MAST4: variants seen among roughly 807,000 people sequenced by gnomAD.
MAST4 encodes the protein microtubule-associated serine/threonine-protein kinase 4.
A neutral mutation model predicts 162.7 loss-of-function variants in MAST4; 89 were observed. The ratio of observed to expected loss-of-function variants is 0.55; its 90% CI spans 0.46 to 0.65. The LOEUF (loss-of-function observed/expected upper bound fraction) is 0.65. Among genes scored for constraint, MAST4 ranks in the 30% least tolerant of loss-of-function variants. The pLI, the probability that MAST4 is intolerant of heterozygous loss-of-function variation, is 0.00. For synonymous variants in MAST4, 1,479 were observed against 1,361.1 expected (o/e 1.09, Z -1.91); for missense variants, 3,153 against 3,374.0 (o/e 0.93, Z 1.62).
chr5:66,995,400 A>T (rs1222787834), intron 4 of MAST4, among the ~76,000 whole-genome samples: 2 of 151,898 alleles, frequency 1.3e-5, no homozygotes, highest in East Asian at 1.9e-4. Flanking sequence ...GAAATCAGAA[A>T]TTTTTTTGTC....
chr5:66,789,988 ATTTTTTTTTTTTT>A (rs57743987), intron 3 of MAST4, among the ~76,000 whole-genome samples: 15 of 52,476 alleles, frequency 2.9e-4, no homozygotes, highest in African/African-American at 5.7e-4. Flanking sequence ...GCTTATTAGA[ATTTTTTTTTTTTT>A]TTTTTTTTTT....
Position 67,131,955 on chromosome 5 carries a change from T to G in MAST4, c.2093+4T>G. The G allele has an allele frequency of 6.2e-7, 1 of 1,610,466 alleles. No homozygotes were observed. The highest frequency in any genetic ancestry group is 8.5e-7 in the Non-Finnish European group (1 of 1,178,008). On this transcript the variant is annotated splice_donor_region_variant and intron_variant, in intron 16 of 28. Transcript: ENST00000403625. ...ACAGGGATTTGAAACCAGACAAGTATGTACACAAATGAAATATATGTCTTC... is the reference window on the plus strand; with the variant it reads ...ACAGGGATTTGAAACCAGACAAGTAGGTACACAAATGAAATATATGTCTTC...
intron 2 of MAST4, among the ~76,000 whole-genome samples, chr5:66,783,915 C>T (rs1418215570): frequency 6.6e-6 from 1 of 152,098 alleles, no homozygotes; most frequent in African/African-American, 2.4e-5. Flanking sequence ...CAGAGTCCAA[C>T]TTCTTATTGA....
intron 4 of MAST4, among the ~76,000 whole-genome samples, chr5:67,024,436 A>T (rs1275427208): frequency 6.6e-6 from 1 of 151,564 alleles, no homozygotes; most frequent in Non-Finnish European, 1.5e-5. Context: ...ATATATATGG[A>T]AGGTGCACTG....
At chr5:66,975,143 T>C (rs750531930) in intron 4 of MAST4, among the ~76,000 whole-genome samples, 7 of 151,740 alleles carry the variant, frequency 4.6e-5, no homozygotes, top group Non-Finnish European at 7.4e-5. Context: ...AGCCAGAAGA[T>C]GCAAGGAGCA....
At chr5:67,024,127 G>C (rs1229168173) in intron 4 of MAST4, among the ~76,000 whole-genome samples, 1 of 147,304 alleles carries the variant, frequency 6.8e-6, no homozygotes, top group African/African-American at 2.5e-5. Flanking sequence ...GACTACTCTA[G>C]GTACCTCATT....
chr5:67,024,542 C>T (rs765638029), intron 4 of MAST4, among the ~76,000 whole-genome samples: 16 of 151,724 alleles, frequency 1.1e-4, no homozygotes, highest in Non-Finnish European at 2.1e-4. Context: ...GAAAGGATTG[C>T]GTTATCTTCA....
Position 67,165,778 on chromosome 5 carries a change from C to G in MAST4, c.6599C>G (p.Pro2200Arg), listed in dbSNP as rs986498579. The G allele has an allele frequency of 6.2e-7, 1 of 1,604,152 alleles. No homozygotes were observed. The highest frequency in any genetic ancestry group is 8.5e-7 in the Non-Finnish European group (1 of 1,175,744). The change falls in exon 29 of 29, where the codon CCG becomes CGG. Residue 2200 changes from proline (P) to arginine (R), a missense_variant. Pro to Arg is a moderately radical substitution (Grantham distance 103). Coordinates refer to ENST00000403625, the MANE Select transcript of MAST4 (RefSeq NM_001164664.2). ...CACAAGCCCCGGCCTGGCCCTGACC[C>G]GGGCCCTCCAAAGACTAAGCACCCC... ...SSHKPRPGPD[P>R]GPPKTKHPDR...
chr5:66,816,495 A>T (rs1293027229), intron 3 of MAST4, among the ~76,000 whole-genome samples: 1 of 152,190 alleles, frequency 6.6e-6, no homozygotes, highest in East Asian at 1.9e-4. Context: ...GTTTTATGTA[A>T]GAGTGTAGTA....
At chr5:67,004,185 G>C (rs1203820742) in intron 4 of MAST4, among the ~76,000 whole-genome samples, 1 of 112,480 alleles carries the variant, frequency 8.9e-6, no homozygotes, top group Non-Finnish European at 2.2e-5. Flanking sequence ...GGGCTGTCCC[G>C]GCACCGGCTG....
rs1188815508 is a variant in MAST4 at position 66,788,737 on chromosome 5, C to T, written c.585C>T (p.Leu195=). 1.9e-6 allele frequency: 3 copies of T among 1,612,942 alleles called. No individual in the cohort carries two copies. Among genetic ancestry groups the T allele is most frequent in the South Asian group, 2.2e-5 (2 of 91,012 alleles). ...CGGCCTCTGCAGAGACGTCCAACCTCGTGCGCATGCGCAGCCAGGCCCTGG... is the reference window on the plus strand; with the variant it reads ...CGGCCTCTGCAGAGACGTCCAACCTTGTGCGCATGCGCAGCCAGGCCCTGG... ...AWPASAETSN[L]VRMRSQALGQ... is the part of the protein sequence containing the mutation. The change falls in exon 3 of 29, where the codon CTC becomes CTT. Residue 195 remains leucine, a synonymous_variant. Transcript: ENST00000403625.
chr5:66,948,880 A>G (rs1470260360), intron 4 of MAST4, among the ~76,000 whole-genome samples: 2 of 152,178 alleles, frequency 1.3e-5, no homozygotes, highest in Admixed American at 6.6e-5. Flanking sequence ...AGCACTTAAT[A>G]TAAAACAGTG....
chr5:66,976,245 C>G (rs1748134341), intron 4 of MAST4, among the ~76,000 whole-genome samples: 1 of 152,204 alleles, frequency 6.6e-6, no homozygotes, highest in African/African-American at 2.4e-5. Flanking sequence ...GAGGCATTAC[C>G]CCTTTCTGGA....
At chr5:66,650,792 A>G (rs2149447498) in intron 1 of MAST4, among the ~76,000 whole-genome samples, 1 of 152,346 alleles carries the variant, frequency 6.6e-6, no homozygotes, top group African/African-American at 2.4e-5. Context: ...CTCCACTTTA[A>G]TACATCAGTA....
chr5:67,031,732 T>TA (rs1256100646), intron 4 of MAST4, among the ~76,000 whole-genome samples: 2 of 152,286 alleles, frequency 1.3e-5, no homozygotes, highest in South Asian at 2.1e-4. Flanking sequence ...TCTAAATTGT[T>TA]AGAGTTTCTA....
At chr5:67,078,911 A>AATATATATATATAT (rs750951069) in intron 5 of MAST4, among the ~76,000 whole-genome samples, 2 of 38,108 alleles carry the variant, frequency 5.2e-5, no homozygotes, top group African/African-American at 2.5e-4. Context: ...TTTTTATATA[A>AATATATATATATAT]ATATATATAT....
intron 1 of MAST4, among the ~76,000 whole-genome samples, chr5:66,671,571 T>G (rs1459807044): frequency 6.8e-6 from 1 of 146,852 alleles, no homozygotes; most frequent in African/African-American, 2.5e-5. Context: ...GTTAATGGCT[T>G]TTTGGTAGCC....
Position 66,627,805 on chromosome 5 carries a change from C to T in MAST4, c.363+30787C>T, listed in dbSNP as rs57807624. The stretch of plus-strand genomic sequence containing the variant: ...GTTTATTCCCAGTTAAGTCATGTGA[C>T]TGTGGGATCTTGCATATTGTCACTC... On this transcript the variant is annotated intron_variant, in intron 1 of 28. Coordinates refer to ENST00000403625, the MANE Select transcript of MAST4 (RefSeq NM_001164664.2). Among the ~76,000 whole-genome samples the T allele has an allele frequency of 7.7e-3, 1,177 of 152,030 alleles. 14 individuals are homozygous for T. Among genetic ancestry groups the T allele is most frequent in the African/African-American group, 0.027 (1,108 of 41,468 alleles).
chr5:67,165,177 C>CT lies in MAST4; in HGVS notation c.5999dup (p.Cys2001ValfsTer10), dbSNP rs766311641. Reference sequence around the variant, plus strand: ...CACATGCAGAGAGCCCTCCATGGAACTGTGCTTTCCAGAAACTGCGAAAAC... The same window carrying CT: ...CACATGCAGAGAGCCCTCCATGGAACTTGTGCTTTCCAGAAACTGCGAAAAC... On this transcript the variant is annotated frameshift_variant, in exon 29 of 29. Transcript: ENST00000403625. LOFTEE classifies it low-confidence loss of function (END_TRUNC). 6.2e-7 allele frequency: 1 copy of CT among 1,605,070 alleles called. No homozygotes were observed. The highest frequency in any genetic ancestry group is 8.5e-7 in the Non-Finnish European group (1 of 1,175,654).
Sources: allele counts gnomAD v4.1 joint callset (sites outside exome capture counted in the v4.1 genomes callset), GRCh38; gene constraint gnomAD v4.1.1; transcripts MANE v1.5; gene names NCBI Gene and HGNC (gene_info 2026-07-23, HGNC 2026-07-21).